Variants in SHROOM3 observed in about 807,000 individuals in gnomAD.
The protein encoded by SHROOM3 is shroom family member 3.
SHROOM3 carries 47 observed loss-of-function variants against 138.6 expected under a neutral mutation model. The ratio of observed to expected loss-of-function variants is 0.34; its 90% CI spans 0.27 to 0.43. The LOEUF (loss-of-function observed/expected upper bound fraction) is 0.43. Ranked by LOEUF, SHROOM3 falls within the 20% of genes least tolerant of loss-of-function variation. The pLI is 1.00. For missense variants in SHROOM3, 2,491 were observed against 2,596.5 expected, an observed-to-expected ratio of 0.96 and a Z score of 0.88; for synonymous variants, 1,062 against 1,063.3, an observed-to-expected ratio of 1.00 and a Z score of 0.02.
At chr4:76,728,882 C>T (rs1401498459) in intron 3 of SHROOM3, among the ~76,000 whole-genome samples, 1 of 151,274 alleles carries the variant, frequency 6.6e-6, no homozygotes, top group African/African-American at 2.5e-5. Flanking sequence ...CACTGGGGAG[C>T]TCGGGGCAAT....
intron 9 of SHROOM3, among the ~76,000 whole-genome samples, chr4:76,763,053 A>G (rs1297617183): frequency 6.6e-6 from 1 of 152,206 alleles, no homozygotes; most frequent in Non-Finnish European, 1.5e-5. Flanking sequence ...GTAGTTTGAT[A>G]TTTTGGAATG....
intron 2 of SHROOM3, among the ~76,000 whole-genome samples, chr4:76,694,129 T>C (rs1719653225): frequency 6.6e-6 from 1 of 152,240 alleles, no homozygotes; most frequent in South Asian, 2.1e-4. Context: ...AGATGTTATA[T>C]ATTTTGCCAA....
Position 76,709,993 on chromosome 4 carries a change from G to A in SHROOM3, c.324-163G>A, listed in dbSNP as rs1720182190. 2.9e-5 allele frequency: 23 copies of A among 787,614 alleles called. No individual in the cohort carries two copies. In the South Asian group the frequency reaches 3.4e-4, roughly 12 times the overall value. 48.8% of individuals were successfully genotyped at this position (787,614 alleles called of 1,614,324 possible). A position where few individuals can be genotyped will look rare whatever the true frequency, so the allele number is the denominator to read the frequency against. On this transcript the variant is annotated intron_variant, in intron 2 of 10. Coordinates refer to ENST00000296043, the MANE Select transcript of SHROOM3 (RefSeq NM_020859.4). ...GTAGTGGATTCGCCTTCGTAGGGCA[G>A]AGAACTTTGTTAGGTGCAGGCTTAG...
intron 2 of SHROOM3, among the ~76,000 whole-genome samples, chr4:76,672,044 G>A (rs767770307): frequency 4.0e-4 from 61 of 152,136 alleles, no homozygotes; most frequent in Non-Finnish European, 7.5e-4. Context: ...TTACTTATGT[G>A]ATACCATAGC....
intron 1 of SHROOM3, among the ~76,000 whole-genome samples, chr4:76,475,861 T>C (rs1322112895): frequency 6.6e-6 from 1 of 152,230 alleles, no homozygotes; most frequent in Non-Finnish European, 1.5e-5. Flanking sequence ...TTCATTAATG[T>C]AACATTCCAC....
intron 2 of SHROOM3, among the ~76,000 whole-genome samples, chr4:76,634,336 G>T (rs999051172): frequency 1.1e-4 from 16 of 152,120 alleles, no homozygotes; most frequent in Admixed American, 7.2e-4. Flanking sequence ...GCAGACGTTG[G>T]TGGCCAGGAA....
intron 1 of SHROOM3, among the ~76,000 whole-genome samples, chr4:76,518,855 A>G (rs903768221): frequency 6.6e-6 from 1 of 152,212 alleles, no homozygotes; most frequent in Non-Finnish European, 1.5e-5. Context: ...CAAAAAGAAG[A>G]TATTTATTGA....
At chr4:76,477,378 C>G (rs1036852258) in intron 1 of SHROOM3, among the ~76,000 whole-genome samples, 1 of 150,096 alleles carries the variant, frequency 6.7e-6, no homozygotes, top group African/African-American at 2.4e-5. Context: ...AGGACAGACC[C>G]TCTTAGAAAA....
intron 2 of SHROOM3, among the ~76,000 whole-genome samples, chr4:76,624,444 T>G (rs1365564314): frequency 6.6e-6 from 1 of 152,044 alleles, no homozygotes; most frequent in Non-Finnish European, 1.5e-5. Flanking sequence ...CTTGGGAAGT[T>G]TTTAGGTTTC....
At position 76,594,018 on chromosome 4, in the gene SHROOM3, C is replaced by T. The variant is rs188693090; in HGVS notation, c.323+38255C>T. 1.6e-3 allele frequency among the ~76,000 whole-genome samples: 245 copies of T among 152,292 alleles called. 1 individual carries two copies. The highest frequency in any genetic ancestry group is 5.7e-3 in the African/African-American group (235 of 41,556). ...AAAAACATTTCTGCAGTACTTATTACATTCTCAGTGATTTGCAAAAATGCT... is the reference window on the plus strand; with the variant it reads ...AAAAACATTTCTGCAGTACTTATTATATTCTCAGTGATTTGCAAAAATGCT... On this transcript the variant is annotated intron_variant, in intron 2 of 10. Coordinates refer to ENST00000296043, the MANE Select transcript of SHROOM3 (RefSeq NM_020859.4).
At chr4:76,459,010 G>A (rs562323241) in intron 1 of SHROOM3, among the ~76,000 whole-genome samples, 1 of 152,316 alleles carries the variant, frequency 6.6e-6, no homozygotes, top group East Asian at 1.9e-4. Flanking sequence ...AGCAGCAGGG[G>A]GGCGGGGATT....
intron 1 of SHROOM3, among the ~76,000 whole-genome samples, chr4:76,494,987 C>G (rs1225183439): frequency 6.6e-6 from 1 of 152,202 alleles, no homozygotes; most frequent in Non-Finnish European, 1.5e-5. Context: ...TTCAGAACAG[C>G]TTTCTTCTAT....
intron 8 of SHROOM3, chr4:76,758,386 A>C (rs1233215613): frequency 6.6e-6 from 1 of 151,266 alleles, no homozygotes; most frequent in Non-Finnish European, 1.5e-5. Flanking sequence ...CTGGAAATAT[A>C]TGTTTGCTCC....
chr4:76,679,253 A>C (rs1719125478), intron 2 of SHROOM3, among the ~76,000 whole-genome samples: 1 of 152,180 alleles, frequency 6.6e-6, no homozygotes, highest in African/African-American at 2.4e-5. Flanking sequence ...ACCTCAACCT[A>C]GTCTTAAAAT....
intron 1 of SHROOM3, among the ~76,000 whole-genome samples, chr4:76,480,207 G>T (rs1731575956): frequency 6.6e-6 from 1 of 152,208 alleles, no homozygotes; most frequent in Non-Finnish European, 1.5e-5. Flanking sequence ...TGGATAAAGA[G>T]TCAAGACCCA....
intron 9 of SHROOM3, among the ~76,000 whole-genome samples, chr4:76,768,835 C>T (rs1377678342): frequency 2.0e-5 from 3 of 152,086 alleles, no homozygotes; most frequent in Non-Finnish European, 2.9e-5. Flanking sequence ...TTTTTAGCCA[C>T]CTGCAGCCTC....
intron 2 of SHROOM3, among the ~76,000 whole-genome samples, chr4:76,581,758 A>T (rs1363640633): frequency 6.6e-6 from 1 of 152,238 alleles, no homozygotes; most frequent in African/African-American, 2.4e-5. Flanking sequence ...CTGAGTTTCT[A>T]TCTAGGCTCA....
intron 5 of SHROOM3, among the ~76,000 whole-genome samples, chr4:76,747,558 C>T (rs779137025): frequency 6.6e-5 from 10 of 152,088 alleles, no homozygotes; most frequent in Non-Finnish European, 1.5e-4. Context: ...TATTCATTGT[C>T]AAAACGAAAT....
chr4:76,669,625 A>G (rs1209724336), intron 2 of SHROOM3, among the ~76,000 whole-genome samples: 1 of 152,046 alleles, frequency 6.6e-6, no homozygotes, highest in Non-Finnish European at 1.5e-5. Context: ...AAAGAATCCT[A>G]GATACTTTTC....
Sources: gnomAD v4.1 joint callset for allele counts (sites outside exome capture counted in the v4.1 genomes callset) on GRCh38, gnomAD v4.1.1 for gene constraint, MANE v1.5 for transcripts, NCBI Gene and HGNC (gene_info 2026-07-23, HGNC 2026-07-21) for gene names.